The following GGT1 variants were observed in gnomAD, a reference collection of about 807,000 sequenced individuals.
GGT1 encodes the protein glutathione hydrolase 1 proenzyme.
Under a neutral mutation model 56.0 loss-of-function variants are expected in GGT1, and 21 were observed. The observed-to-expected ratio is 0.38, with a 90% confidence interval of 0.27 to 0.54. GGT1 has a LOEUF of 0.54. Ranked by LOEUF, GGT1 falls within the 20% of genes least tolerant of loss-of-function variation. The pLI is 0.82. For synonymous variants in GGT1, 238 were observed against 342.6 expected, an observed-to-expected ratio of 0.69 and a Z score of 3.37; for missense variants, 466 against 787.0, an observed-to-expected ratio of 0.59 and a Z score of 4.88.
At chr22:24,605,984 T>TTATATTTATATAATTTATATAATATATCA (rs2046268536) in intron 1 of GGT1, among the ~76,000 whole-genome samples, 2 of 57,502 alleles carry the variant, frequency 3.5e-5, no homozygotes, top group African/African-American at 1.5e-4. Flanking sequence ...ATATCATATA[T>TTATATTTATATAATTTATATAATATATCA]TATATTTATA....
upstream of GGT1, among the ~76,000 whole-genome samples, chr22:24,601,118 T>C (rs1392832899): frequency 6.6e-6 from 1 of 152,174 alleles, no homozygotes; most frequent in Non-Finnish European, 1.5e-5. Flanking sequence ...CAAAATGTCC[T>C]GGATAATATT....
At chr22:24,605,036 A>ATATATATATATATAT (rs752986628) in intron 1 of GGT1, among the ~76,000 whole-genome samples, 2 of 71,156 alleles carry the variant, frequency 2.8e-5, no homozygotes, top group African/African-American at 1.6e-4. Flanking sequence ...ATATATATAT[A>ATATATATATATATAT]AAATATGTAA....
chr22:24,608,350 G>T (rs962546608), intron 2 of GGT1, among the ~76,000 whole-genome samples: 2 of 152,246 alleles, frequency 1.3e-5, no homozygotes, highest in Non-Finnish European at 2.9e-5. Context: ...CTTCCCAGCA[G>T]TCTGAGCCTG....
rs1352963848 is a variant in GGT1 at position 24,605,853 on chromosome 22, TATGATGTGTATTATATATTATATAA to T, written c.-428-2100_-428-2076del. Among the ~76,000 whole-genome samples, 743 of 78,316 alleles carry T rather than the reference TATGATGTGTATTATATATTATATAA, an allele frequency of 9.5e-3. 186 individuals carry two copies. The highest frequency in any genetic ancestry group is 0.017 in the African/African-American group (281 of 16,562). 51.4% of individuals were successfully genotyped at this position (78,316 alleles called of 152,430 possible). On this transcript the variant is annotated intron_variant, in intron 1 of 15. Coordinates refer to ENST00000400382, the MANE Select transcript of GGT1 (RefSeq NM_001288833.2). ...GATGTGTATTATATATTATATAATA[TATGATGTGTATTATATATTATATAA>T]TATATGATGTGTATTATATATTATA...
upstream of GGT1, chr22:24,592,316 T>C (rs1225553087): frequency 8.5e-6 from 4 of 469,814 alleles, no homozygotes; most frequent in Non-Finnish European, 1.8e-5. Context: ...GTTGGAGAAC[T>C]GGTGATGCAT....
upstream of GGT1, chr22:24,592,230 G>A (rs1345893283): frequency 6.6e-6 from 3 of 455,740 alleles, no homozygotes; most frequent in East Asian, 1.4e-4. Context: ...GTGTGTGTAG[G>A]AGCAGAGCCA....
At chr22:24,601,706 C>G (rs560045310), upstream of GGT1, among the ~76,000 whole-genome samples, 52 of 152,328 alleles carry the variant, frequency 3.4e-4, no homozygotes, top group African/African-American at 1.2e-3. Context: ...CCCTGAGGCA[C>G]TGTGGGCTGC....
chr22:24,592,655 T>C (rs2045605467), upstream of GGT1: 10 of 818,140 alleles, frequency 1.2e-5, no homozygotes, highest in Non-Finnish European at 1.7e-5. Context: ...CAGCCCTCAC[T>C]CCAGGCGGTC....
chr22:24,592,801 A>AC (rs940643824), upstream of GGT1: 4 of 1,225,326 alleles, frequency 3.3e-6, no homozygotes, highest in African/African-American at 1.6e-5. Flanking sequence ...CGCCTCCCAG[A>AC]CCCCCAGACC....
chr22:24,624,884 G>A (rs1330541046), intron 11 of GGT1, among the ~76,000 whole-genome samples: 1 of 151,428 alleles, frequency 6.6e-6, no homozygotes, highest in Admixed American at 6.6e-5. Flanking sequence ...CTATCCCCAT[G>A]CCACCAGATC....
At chr22:24,591,156 C>T (rs1320098351), upstream of GGT1, among the ~76,000 whole-genome samples, 9 of 152,194 alleles carry the variant, frequency 5.9e-5, no homozygotes, top group African/African-American at 1.4e-4. Context: ...GTCAGCTCAC[C>T]GCAACCTCCG....
At chr22:24,611,781 G>GTGTT (rs1167681086) in intron 5 of GGT1, among the ~76,000 whole-genome samples, 1 of 122,868 alleles carries the variant, frequency 8.1e-6, no homozygotes, top group East Asian at 2.0e-4. Context: ...ATTTGTGTGT[G>GTGTT]TGTGTGTGTG....
At chr22:24,586,529 CTG>C in the GGT1 span, 29 of 1,095,328 alleles carry the variant, frequency 2.6e-5, no homozygotes, top group Non-Finnish European at 3.6e-5. Context: ...CAGATTCAAA[CTG>C]TGTCTTTCGT....
rs568683141 is a variant in GGT1, at chr22:24,628,400, G to A, written c.1563+12G>A. On this transcript the variant is annotated intron_variant, in intron 15 of 15. Transcript: ENST00000400382. The surrounding 1 kb of genome is among the most constrained non-coding windows in gnomAD (Gnocchi z 5.7). ...GAAACATTGACCAGGTGGGCCGGGG[G>A]TTGGAGAAACTGAGTCAAGGTGTGG... 1.1e-4 allele frequency: 171 copies of A among 1,609,906 alleles called. 4 individuals are homozygous for A. The South Asian group carries it at 1.8e-3, about 17-fold the overall frequency.
At chr22:24,623,081 C>A in intron 9 of GGT1, 26 bp from the exon 10 acceptor site, 1 of 1,611,860 alleles carries the variant, frequency 6.2e-7, no homozygotes, top group Non-Finnish European at 8.5e-7. Flanking sequence ...ATCCCAGCAC[C>A]CATTTGAGCT....
the GGT1 span, chr22:24,585,551 A>G: frequency 2.8e-6 from 1 of 361,284 alleles, no homozygotes; most frequent in South Asian, 3.5e-5. Context: ...ACCCTTTTGG[A>G]TAGACACAGC....
chr22:24,590,860 A>AC (rs372468368), upstream of GGT1, among the ~76,000 whole-genome samples: 138 of 151,068 alleles, frequency 9.1e-4, no homozygotes, highest in Middle Eastern at 6.9e-3. Context: ...AAGCTCTGGA[A>AC]CCCCCCAGCA....
intron 1 of GGT1, among the ~76,000 whole-genome samples, chr22:24,595,223 GGTGGTGT>G (rs1306350659): frequency 4.6e-5 from 7 of 152,192 alleles, no homozygotes; most frequent in Non-Finnish European, 1.0e-4. Context: ...AAAGAGGGAG[GGTGGTGT>G]CTGGGCCTAG....
chr22:24,589,193 C>A, the GGT1 span: 1 of 1,202,466 alleles, frequency 8.3e-7, no homozygotes, highest in Admixed American at 3.6e-5. Flanking sequence ...TGGTCACAGC[C>A]ACACATCCTG....
Sources: gnomAD v4.1 joint callset for allele counts (sites outside exome capture counted in the v4.1 genomes callset) on GRCh38, gnomAD v4.1.1 for gene constraint, Gnocchi (gnomAD v3.1) non-coding constraint, MANE v1.5 for transcripts, NCBI Gene and HGNC (gene_info 2026-07-23, HGNC 2026-07-21) for gene names.